Variants in TGFBI observed in about 807,000 individuals in gnomAD.
The protein encoded by TGFBI is transforming growth factor beta induced.
TGFBI carries 50 observed loss-of-function variants against 73.7 expected under a neutral mutation model. That is an observed-to-expected ratio of 0.68 (90% CI 0.54 to 0.86). The LOEUF is 0.86. Ranked by LOEUF, TGFBI falls within the 40% of genes least tolerant of loss-of-function variation. The pLI is 0.00. For synonymous variants in TGFBI, 362 were observed against 360.5 expected, an observed-to-expected ratio of 1.00 and a Z score of -0.05; for missense variants, 839 against 877.0, an observed-to-expected ratio of 0.96 and a Z score of 0.55.
rs536325775 is a variant in TGFBI at position 136,037,698 on chromosome 5, G to A, written c.233+3837G>A. Among the ~76,000 whole-genome samples the A allele has an allele frequency of 3.3e-5, 5 of 152,336 alleles. No individual in the cohort carries two copies. In the East Asian group the frequency reaches 7.7e-4, roughly 23 times the overall value. ...CCTTCTCTGGAGCCAAGATGAGCTG[G>A]CAGAGCACTCCTGTTTCTCTAGTAG... On this transcript the variant is annotated intron_variant, in intron 2 of 16. Coordinates refer to ENST00000442011, the MANE Select transcript of TGFBI (RefSeq NM_000358.3).
intron 10 of TGFBI, 172 bp downstream of exon 10, chr5:136,055,033 A>G (rs1294100779): frequency 1.2e-6 from 1 of 801,448 alleles, no homozygotes; most frequent in Non-Finnish European, 2.0e-6. Context: ...CTGCAGAAGG[A>G]TTGGAATCTC....
In TGFBI at chr5:136,044,081, C is replaced by G; in HGVS notation, c.257C>G (p.Pro86Arg). 3 of 1,613,098 alleles carry G rather than the reference C, an allele frequency of 1.9e-6. No individual in the cohort carries two copies. The highest frequency in any genetic ancestry group is 2.5e-6 in the Non-Finnish European group (3 of 1,179,440). Reference protein sequence around the residue: ...KSTVISYECCPGYEKVPGEKG... With the variant: ...KSTVISYECCRGYEKVPGEKG... ...AGAGTCATCAGCTACGAGTGCTGTC[C>G]TGGATATGAAAAGGTCCCTGGGGAG... Residue 86 changes from proline to arginine, a missense_variant, in exon 3 of 17, where the codon CCT (proline) becomes CGT (arginine). Pro to Arg is a moderately radical substitution (Grantham distance 103). Coordinates refer to ENST00000442011, the MANE Select transcript of TGFBI (RefSeq NM_000358.3).
At position 136,029,064 on chromosome 5, in the gene TGFBI, C is replaced by G; in HGVS notation, c.9C>G (p.Leu3=). The G allele has an allele frequency of 6.5e-7, 1 of 1,527,658 alleles. No individual in the cohort carries two copies. The highest frequency in any genetic ancestry group is 8.7e-7 in the Non-Finnish European group (1 of 1,144,184). 94.6% of individuals were successfully genotyped at this position (1,527,658 alleles called of 1,614,324 possible). ...GCGCGTCGTCCCGCTCCATGGCGCT[C>G]TTCGTGCGGCTGCTGGCTCTCGCCC... MA[L]FVRLLALALA... is the part of the protein sequence containing the mutation. Residue 3 remains leucine, a synonymous_variant, in exon 1 of 17, where the codon CTC becomes CTG. Transcript: ENST00000442011.
Position 136,061,542 on chromosome 5 carries a change from C to A in TGFBI, c.1949C>A (p.Ala650Glu), listed in dbSNP as rs188333040. ...AGAGGGGATGAACTTGCAGACTCTG[C>A]GCTTGAGATCTTCAAACAAGCATCA... The part of the protein sequence containing the change: ...QERGDELADS[A>E]LEIFKQASAF... Residue 650 changes from alanine (A) to glutamate (E), a missense_variant, in exon 15 of 17, where the codon GCG (alanine) becomes GAG (glutamate). Physicochemically the swap from Ala to Glu is moderately radical, Grantham distance 107. Coordinates refer to ENST00000442011, the MANE Select transcript of TGFBI (RefSeq NM_000358.3). 5.6e-6 allele frequency: 9 copies of A among 1,612,180 alleles called. No individual in the cohort carries two copies. The highest frequency in any genetic ancestry group is 7.6e-6 in the Non-Finnish European group (9 of 1,179,198).
intron 2 of TGFBI, among the ~76,000 whole-genome samples, chr5:136,035,563 T>G (rs1751203344): frequency 6.8e-6 from 1 of 147,696 alleles, no homozygotes; most frequent in Admixed American, 6.8e-5. Flanking sequence ...AGGCGGAGCT[T>G]GCAGTGAGCC....
chr5:136,062,691 A>T lies in TGFBI; in HGVS notation c.2011+4A>T, dbSNP rs373654392. 3.2e-6 allele frequency: 5 copies of T among 1,567,514 alleles called. No homozygotes were observed. In the African/African-American group the frequency reaches 5.4e-5, roughly 17 times the overall value. ...TCCCAGAGGTCTGTGCGACTAGGTG[A>T]GTCTGGTCTGGGTTTGAAGTCATTG... is the stretch of plus-strand genomic sequence containing the variant. On this transcript the variant is annotated splice_donor_region_variant and intron_variant, in intron 16 of 16. Coordinates refer to ENST00000442011, the MANE Select transcript of TGFBI (RefSeq NM_000358.3).
intron 11 of TGFBI, chr5:136,056,380 T>G: frequency 2.7e-6 from 1 of 364,376 alleles, no homozygotes; most frequent in Non-Finnish European, 5.1e-6. Flanking sequence ...AGTCTCTGGG[T>G]CAGCCATACC....
intron 6 of TGFBI, chr5:136,048,171 C>G (rs537909080): frequency 6.6e-6 from 1 of 152,198 alleles, no homozygotes; most frequent in African/African-American, 2.4e-5. Flanking sequence ...CACTGACAGG[C>G]CTCGCAGGTG....
At chr5:136,050,775 A>G (rs1166474828) in intron 7 of TGFBI, among the ~76,000 whole-genome samples, 1 of 152,212 alleles carries the variant, frequency 6.6e-6, no homozygotes, top group African/African-American at 2.4e-5. Flanking sequence ...TTCTCCTTCT[A>G]TCTGTGCAGG....
intron 3 of TGFBI, among the ~76,000 whole-genome samples, chr5:136,045,183 G>A (rs1471957962): frequency 6.6e-6 from 1 of 152,114 alleles, no homozygotes; most frequent in Non-Finnish European, 1.5e-5. Flanking sequence ...AAGAGGGGAC[G>A]ATCACCTGAG....
chr5:136,033,186 G>T (rs954586700), intron 1 of TGFBI, among the ~76,000 whole-genome samples: 1 of 152,226 alleles, frequency 6.6e-6, no homozygotes, highest in African/African-American at 2.4e-5. Context: ...AATAAGGACC[G>T]TATCCACTGT....
intron 2 of TGFBI, among the ~76,000 whole-genome samples, chr5:136,042,443 T>A (rs531844346): frequency 5.9e-5 from 9 of 152,358 alleles, no homozygotes; most frequent in African/African-American, 2.2e-4. Flanking sequence ...ATTCTAGCAC[T>A]GTTTCTCTTA....
rs371872257 is a variant in TGFBI, at chr5:136,054,916, T to C, written c.1410+55T>C. 3.3e-5 allele frequency: 52 copies of C among 1,569,798 alleles called. No homozygotes were observed. The African/African-American group carries it at 6.7e-4, about 20-fold the overall frequency. The stretch of plus-strand genomic sequence containing the variant: ...GGGAAGCTCCTTACTGTGGGACTTG[T>C]ATTAGTGTAAAAAAAAATGTCCTCA... On this transcript the variant is annotated intron_variant, in intron 10 of 16. Coordinates refer to ENST00000442011, the MANE Select transcript of TGFBI (RefSeq NM_000358.3).
rs1404750743 is a variant in TGFBI, at chr5:136,056,900, T to C, written c.1678+105T>C. 4.3e-6 allele frequency: 6 copies of C among 1,389,026 alleles called. No homozygotes were observed. In the South Asian group the frequency reaches 5.7e-5, roughly 13 times the overall value. 86.0% of individuals were successfully genotyped at this position (1,389,026 alleles called of 1,614,324 possible). A position where few individuals can be genotyped will look rare whatever the true frequency, so the allele number is the denominator to read the frequency against. On this transcript the variant is annotated intron_variant, in intron 12 of 16. Coordinates refer to ENST00000442011, the MANE Select transcript of TGFBI (RefSeq NM_000358.3). ...ATCAAGGATTGACTTGAAGGGATTTTATGACAAGACTATTAGTGAAAGAGT... is the reference window on the plus strand; with the variant it reads ...ATCAAGGATTGACTTGAAGGGATTTCATGACAAGACTATTAGTGAAAGAGT...
chr5:136,044,511 G>T (rs1025309368), intron 3 of TGFBI, among the ~76,000 whole-genome samples: 1 of 152,232 alleles, frequency 6.6e-6, no homozygotes, highest in Non-Finnish European at 1.5e-5. Flanking sequence ...CTAGAGAGCC[G>T]ATGGGATGTG....
intron 12 of TGFBI, among the ~76,000 whole-genome samples, chr5:136,057,211 G>C (rs1012802496): frequency 6.6e-6 from 1 of 152,200 alleles, no homozygotes; most frequent in Non-Finnish European, 1.5e-5. Context: ...CACTGATGCA[G>C]TTCATAGAGC....
intron 10 of TGFBI, 69 bp downstream of exon 10, chr5:136,054,930 A>T: frequency 6.4e-7 from 1 of 1,552,348 alleles, no homozygotes; most frequent in Non-Finnish European, 8.7e-7. Context: ...AGTGTAAAAA[A>T]AAATGTCCTC....
Position 136,029,158 on chromosome 5 carries a change from C to T in TGFBI, c.103C>T (p.Gln35Ter). 1 of 1,518,974 alleles carries T rather than the reference C, an allele frequency of 6.6e-7. No homozygotes were observed. The highest frequency in any genetic ancestry group is 8.8e-7 in the Non-Finnish European group (1 of 1,139,412). 94.1% of individuals were successfully genotyped at this position (1,518,974 alleles called of 1,614,324 possible). The change falls in exon 1 of 17, where the codon CAG (glutamine) becomes TAG (stop). Residue 35 changes from glutamine (Q) to a stop codon, truncating the protein, a stop_gained. Transcript: ENST00000442011. LOFTEE classifies it high-confidence loss of function. ...CAAGTCGCCCTACCAGCTGGTGCTG[C>T]AGCACAGCAGGCTCCGGGGCCGCCA... Reference protein sequence around the residue: ...PAKSPYQLVLQHSRLRGRQHG... With the variant: ...PAKSPYQLVL
chr5:136,048,393 A>G (rs1561610751), intron 6 of TGFBI: 1 of 152,222 alleles, frequency 6.6e-6, no homozygotes, highest in Non-Finnish European at 1.5e-5. Flanking sequence ...CATTTTGCCG[A>G]TCTTTCCTTC....
Sources: allele counts gnomAD v4.1 joint callset (sites outside exome capture counted in the v4.1 genomes callset), GRCh38; gene constraint gnomAD v4.1.1; transcripts MANE v1.5; gene names NCBI Gene and HGNC (gene_info 2026-07-23, HGNC 2026-07-21).